Variants in MSRA observed in about 807,000 individuals in gnomAD.
The protein encoded by MSRA is methionine sulfoxide reductase A.
Under a neutral mutation model 31.3 loss-of-function variants are expected in MSRA, and 54 were observed. The observed-to-expected ratio is 1.73, with a 90% confidence interval of 1.39 to 2.17. The LOEUF (loss-of-function observed/expected upper bound fraction) is 2.17. Ranked by LOEUF, MSRA falls within the 30% of genes most tolerant of loss-of-function variation. The pLI, the probability that MSRA is intolerant of heterozygous loss-of-function variation, is 0.00. For missense variants in MSRA, 507 were observed against 300.9 expected (o/e 1.69, Z -5.07); for synonymous variants, 169 against 116.5 (o/e 1.45, Z -2.90).
chr8:10,222,893 A>G (rs1371160157), intron 2 of MSRA, among the ~76,000 whole-genome samples: 2 of 152,180 alleles, frequency 1.3e-5, no homozygotes, highest in East Asian at 3.8e-4. Flanking sequence ...AGTTCTGGAG[A>G]TCTTGGTGAC....
chr8:10,390,940 C>A (rs1473949279), intron 5 of MSRA, among the ~76,000 whole-genome samples: 1 of 150,802 alleles, frequency 6.6e-6, no homozygotes, highest in African/African-American at 2.4e-5. Context: ...CGCGCCACTG[C>A]ACTCCAGCCT....
At chr8:10,220,739 A>G (rs977764304) in intron 2 of MSRA, among the ~76,000 whole-genome samples, 16 of 152,164 alleles carry the variant, frequency 1.1e-4, no homozygotes, top group Admixed American at 9.8e-4. Flanking sequence ...GCTTGGTGAC[A>G]TTCTTATTAC....
intron 3 of MSRA, among the ~76,000 whole-genome samples, chr8:10,298,251 TAAAC>T (rs1206323491): frequency 6.6e-6 from 1 of 152,118 alleles, no homozygotes; most frequent in Admixed American, 6.5e-5. Context: ...GATGAATGGA[TAAAC>T]AAACAAAATA....
intron 2 of MSRA, among the ~76,000 whole-genome samples, chr8:10,229,019 A>G (rs1002694994): frequency 3.3e-5 from 5 of 152,342 alleles, no homozygotes; most frequent in African/African-American, 1.2e-4. Context: ...ACGAAAAAAG[A>G]TCTTGATTCT....
intron 3 of MSRA, among the ~76,000 whole-genome samples, chr8:10,253,225 T>A (rs1039159734): frequency 1.3e-5 from 2 of 152,250 alleles, no homozygotes; most frequent in Non-Finnish European, 2.9e-5. Context: ...TGTCAGGGTC[T>A]GTTCTTTGTC....
chr8:10,055,058 C>G (rs995384508), intron 1 of MSRA, among the ~76,000 whole-genome samples: 8 of 152,210 alleles, frequency 5.3e-5, no homozygotes, highest in Non-Finnish European at 1.2e-4. Context: ...GCCGCCGGGA[C>G]CCAGGGCACC....
At chr8:10,335,496 A>G (rs1194490662) in intron 5 of MSRA, among the ~76,000 whole-genome samples, 1 of 151,988 alleles carries the variant, frequency 6.6e-6, no homozygotes, top group Non-Finnish European at 1.5e-5. Flanking sequence ...TGGGGAGGCG[A>G]TTGGAATTAC....
At chr8:10,081,410 G>T (rs1162446655) in intron 1 of MSRA, among the ~76,000 whole-genome samples, 1 of 152,174 alleles carries the variant, frequency 6.6e-6, no homozygotes, top group Non-Finnish European at 1.5e-5. Context: ...GTGACTCGGG[G>T]AGTTTGTGTT....
At chr8:10,133,208 G>A (rs557346117) in intron 1 of MSRA, among the ~76,000 whole-genome samples, 8 of 152,308 alleles carry the variant, frequency 5.3e-5, no homozygotes, top group African/African-American at 1.9e-4. Context: ...AGACAGGGTT[G>A]GTTGGGGAGA....
At chr8:10,415,945 C>A (rs1312825666) in intron 5 of MSRA, among the ~76,000 whole-genome samples, 1 of 152,110 alleles carries the variant, frequency 6.6e-6, no homozygotes, top group Non-Finnish European at 1.5e-5. Context: ...CCGCACATCC[C>A]CTCTGCCTCG....
chr8:10,256,138 C>A (rs539934282), intron 3 of MSRA, among the ~76,000 whole-genome samples: 1 of 152,140 alleles, frequency 6.6e-6, no homozygotes, highest in South Asian at 2.1e-4. Context: ...GCCCATCCTC[C>A]CCCCCCAACC....
chr8:10,284,690 A>G (rs1316293447), intron 3 of MSRA, among the ~76,000 whole-genome samples: 4 of 152,108 alleles, frequency 2.6e-5, no homozygotes, highest in Non-Finnish European at 4.4e-5. Context: ...TTCTGGAGCT[A>G]CATTATGGAG....
chr8:10,271,860 A>G (rs1799060096), intron 3 of MSRA, among the ~76,000 whole-genome samples: 3 of 152,016 alleles, frequency 2.0e-5, no homozygotes, highest in Admixed American at 2.0e-4. Context: ...CTGGGATTAT[A>G]GGCACGTGCT....
At chr8:10,141,390 C>T (rs920451906) in intron 1 of MSRA, among the ~76,000 whole-genome samples, 1 of 152,172 alleles carries the variant, frequency 6.6e-6, no homozygotes, top group Admixed American at 6.5e-5. Context: ...GAGGTTTGAA[C>T]CCAAGAAGCC....
chr8:10,327,658 G>A (rs1802438648), intron 5 of MSRA, among the ~76,000 whole-genome samples: 1 of 152,122 alleles, frequency 6.6e-6, no homozygotes, highest in Admixed American at 6.5e-5. Flanking sequence ...ACTTGGCTGG[G>A]CACGGTGGCT....
intron 4 of MSRA, among the ~76,000 whole-genome samples, chr8:10,311,389 G>A (rs1801422590): frequency 6.6e-6 from 1 of 152,124 alleles, no homozygotes; most frequent in Non-Finnish European, 1.5e-5. Flanking sequence ...CGAGCTTTGA[G>A]AGCCTTATTA....
intron 5 of MSRA, among the ~76,000 whole-genome samples, chr8:10,425,955 ACT>A (rs1046217553): frequency 3.3e-5 from 5 of 151,832 alleles, no homozygotes; most frequent in Admixed American, 1.3e-4. Context: ...TCTTCTCCAA[ACT>A]CTCTGGTGCT....
chr8:10,408,699 C>T (rs944345875), intron 5 of MSRA, among the ~76,000 whole-genome samples: 1 of 152,094 alleles, frequency 6.6e-6, no homozygotes, highest in Non-Finnish European at 1.5e-5. Context: ...AATAATGTAC[C>T]TTGTACCCAT....
At chr8:10,159,616 G>C (rs1202131760) in intron 1 of MSRA, among the ~76,000 whole-genome samples, 1 of 152,046 alleles carries the variant, frequency 6.6e-6, no homozygotes, top group Non-Finnish European at 1.5e-5. Flanking sequence ...TAACATCTCT[G>C]TCAAAGCACT....
Sources: allele counts gnomAD v4.1 joint callset (sites outside exome capture counted in the v4.1 genomes callset), GRCh38; gene constraint gnomAD v4.1.1; transcripts MANE v1.5; gene names NCBI Gene and HGNC (gene_info 2026-07-23, HGNC 2026-07-21).